The following ADAM22 variants were observed in gnomAD, a reference collection of about 807,000 sequenced individuals.
The protein encoded by ADAM22 is ADAM metallopeptidase domain 22.
ADAM22 carries 65 observed loss-of-function variants against 144.6 expected under a neutral mutation model. That is an observed-to-expected ratio of 0.45 (90% confidence interval 0.37 to 0.55). The LOEUF is 0.55. ADAM22 is among the 20% of genes least tolerant of loss of function. The probability of loss-of-function intolerance (pLI) is 0.00; values close to 1 mark genes in which losing one functional copy is unlikely to be tolerated. For missense variants in ADAM22, 974 were observed against 1,184.9 expected (o/e 0.82, Z 2.61); for synonymous variants, 391 against 412.6 (o/e 0.95, Z 0.63).
chr7:88,095,947 A>C, intron 4 of ADAM22, among the ~76,000 whole-genome samples: 1 of 113,046 alleles, frequency 8.8e-6, no homozygotes, highest in Non-Finnish European at 1.7e-5. Context: ...CCTTTTTTTA[A>C]AGACAGGGTC....
chr7:88,039,464 A>AAAAAAAAAAAAAT lies in ADAM22; in HGVS notation c.324-36161_324-36160insAAAAAAAAAAATA. ...GATTCTGTCTCAAAAAAAAAAAAAA[A>AAAAAAAAAAAAAT]ATATATATATATATATATATACATT... On this transcript the variant is annotated intron_variant, in intron 3 of 31. Transcript: ENST00000413139. 1.4e-3 allele frequency among the ~76,000 whole-genome samples: 108 copies of AAAAAAAAAAAAAT among 76,368 alleles called. 3 individuals are homozygous for AAAAAAAAAAAAAT. The highest frequency in any genetic ancestry group is 9.5e-3 in the East Asian group (18 of 1,888). 50.1% of individuals were successfully genotyped at this position (76,368 alleles called of 152,430 possible).
At chr7:88,130,512 G>T in intron 10 of ADAM22, 53 bp downstream of exon 10, 1 of 1,509,304 alleles carries the variant, frequency 6.6e-7, no homozygotes, top group Non-Finnish European at 9.2e-7. Context: ...TTTCCTAATT[G>T]CTAATAGAAT....
intron 3 of ADAM22, among the ~76,000 whole-genome samples, chr7:88,073,350 C>A (rs2129479674): frequency 6.6e-6 from 1 of 152,216 alleles, no homozygotes; most frequent in South Asian, 2.1e-4. Flanking sequence ...ATATCAGGGT[C>A]ATGAGAGGAG....
chr7:88,195,018 T>C (rs1042401761), intron 31 of ADAM22, among the ~76,000 whole-genome samples: 1 of 152,212 alleles, frequency 6.6e-6, no homozygotes, highest in African/African-American at 2.4e-5. Flanking sequence ...CATGAAGATT[T>C]GGGAGAACAT....
intron 3 of ADAM22, among the ~76,000 whole-genome samples, chr7:88,022,049 T>G (rs1185676837): frequency 6.6e-6 from 1 of 151,436 alleles, no homozygotes; most frequent in Non-Finnish European, 1.5e-5. Context: ...ATTAAAAAAT[T>G]TTTTATTTTT....
intron 26 of ADAM22, among the ~76,000 whole-genome samples, chr7:88,177,751 T>C (rs1846035035): frequency 6.6e-6 from 1 of 152,190 alleles, no homozygotes; most frequent in African/African-American, 2.4e-5. Flanking sequence ...GGCAAAAATT[T>C]AAGCAAGCAA....
chr7:87,985,327 A>T (rs192818731), intron 3 of ADAM22, among the ~76,000 whole-genome samples: 2 of 151,854 alleles, frequency 1.3e-5, no homozygotes, highest in African/African-American at 4.8e-5. Context: ...AAAAAAAAAG[A>T]ATTTATTTTA....
intron 2 of ADAM22, among the ~76,000 whole-genome samples, chr7:87,969,536 C>G (rs1337917644): frequency 6.6e-6 from 1 of 152,164 alleles, no homozygotes; most frequent in Non-Finnish European, 1.5e-5. Flanking sequence ...ATGATCAGCA[C>G]TCTAAAAGTG....
chr7:88,155,901 G>T lies in ADAM22; in HGVS notation c.1802G>T (p.Gly601Val). 1.2e-6 allele frequency: 2 copies of T among 1,613,224 alleles called. No individual in the cohort carries two copies. The highest frequency in any genetic ancestry group is 1.7e-6 in the Non-Finnish European group (2 of 1,179,518). Residue 601 changes from glycine to valine, a missense_variant, in exon 22 of 32, where the codon GGT (glycine) becomes GTT (valine). Physicochemically the swap from Gly to Val is moderately radical, Grantham distance 109. Around this residue, in one of 2 missense-constraint regions of ADAM22, gnomAD observed 734 missense variants for 950.6 expected, o/e 0.77. Transcript: ENST00000413139. ...IQCNKRDVLC[G>V]YLLCTNIGNI... Reference sequence around the variant, plus strand: ...TTTTGATACAGGGATGTGCTTTGTGGTTACCTTTTGTGTACCAATATTGGC... The same window carrying T: ...TTTTGATACAGGGATGTGCTTTGTGTTTACCTTTTGTGTACCAATATTGGC...
intron 3 of ADAM22, among the ~76,000 whole-genome samples, chr7:88,054,197 C>T (rs923864422): frequency 6.6e-5 from 10 of 152,234 alleles, no homozygotes; most frequent in Admixed American, 2.0e-4. Flanking sequence ...TTATATTACA[C>T]ATATAGGATT....
chr7:88,009,761 C>T (rs1016280947), intron 3 of ADAM22, among the ~76,000 whole-genome samples: 1 of 152,136 alleles, frequency 6.6e-6, no homozygotes, highest in Non-Finnish European at 1.5e-5. Flanking sequence ...TTTATCCCTA[C>T]TACCCTATCC....
intron 2 of ADAM22, among the ~76,000 whole-genome samples, chr7:87,937,336 T>G (rs1214853897): frequency 1.3e-5 from 2 of 152,196 alleles, no homozygotes; most frequent in African/African-American, 4.8e-5. Context: ...TTGCAATTTT[T>G]TCAGTGAAGA....
intron 3 of ADAM22, among the ~76,000 whole-genome samples, chr7:88,016,144 C>T (rs1476945799): frequency 6.6e-6 from 1 of 152,086 alleles, no homozygotes; most frequent in Non-Finnish European, 1.5e-5. Flanking sequence ...TGTATGAGTT[C>T]TAGGCATTTG....
intron 9 of ADAM22, among the ~76,000 whole-genome samples, chr7:88,128,980 A>G (rs926163985): frequency 6.6e-6 from 1 of 152,078 alleles, no homozygotes; most frequent in Non-Finnish European, 1.5e-5. Flanking sequence ...CAAGGTTTAA[A>G]AAAATGGAAA....
chr7:88,156,181 G>C (rs1374604316), intron 22 of ADAM22, among the ~76,000 whole-genome samples, 175 bp downstream of exon 22: 1 of 152,124 alleles, frequency 6.6e-6, no homozygotes, highest in Non-Finnish European at 1.5e-5. Flanking sequence ...ATAAAAAATA[G>C]TTGAATGAAG....
At chr7:88,035,082 A>G (rs112647259) in intron 3 of ADAM22, among the ~76,000 whole-genome samples, 15 of 152,188 alleles carry the variant, frequency 9.9e-5, no homozygotes, top group African/African-American at 3.6e-4. Context: ...GGAAGCTTCT[A>G]TTTGGCCATC....
intron 3 of ADAM22, among the ~76,000 whole-genome samples, chr7:88,044,789 G>A (rs10266440): frequency 0.43 from 65,199 of 150,364 alleles, 14,447 homozygotes; most frequent in East Asian, 0.58. Flanking sequence ...GCAGTGGCGC[G>A]ATCTCGGCTC....
chr7:88,062,085 G>A lies in ADAM22; in HGVS notation c.324-13541G>A, dbSNP rs369867187. On this transcript the variant is annotated intron_variant, in intron 3 of 31. Coordinates refer to ENST00000413139, the MANE Select transcript of ADAM22 (RefSeq NM_001324418.2). ...CTCAAACACCTGAGCTCAAGCCATCGTCTTGCCTTGGTCTCCTGAAGTGCT... is the reference window on the plus strand; with the variant it reads ...CTCAAACACCTGAGCTCAAGCCATCATCTTGCCTTGGTCTCCTGAAGTGCT... Among the ~76,000 whole-genome samples the A allele has an allele frequency of 2.4e-4, 36 of 152,120 alleles. 1 individual carries two copies. The highest frequency in any genetic ancestry group is 5.3e-4 in the African/African-American group (22 of 41,518).
At chr7:88,159,435 A>G (rs536383789) in intron 22 of ADAM22, among the ~76,000 whole-genome samples, 128 of 152,114 alleles carry the variant, frequency 8.4e-4, no homozygotes, top group African/African-American at 2.7e-3. Flanking sequence ...ATACAAAAAC[A>G]TGGCAGAGAC....
Sources: allele counts gnomAD v4.1 joint callset (sites outside exome capture counted in the v4.1 genomes callset), GRCh38; gene constraint gnomAD v4.1.1; regional missense constraint gnomAD v4.1.1; transcripts MANE v1.5; gene names NCBI Gene and HGNC (gene_info 2026-07-23, HGNC 2026-07-21).